PTPN5: variants seen among roughly 807,000 people sequenced by gnomAD.
PTPN5 encodes tyrosine-protein phosphatase non-receptor type 5.
In PTPN5, 29 loss-of-function variants were observed where a neutral mutation model predicts 73.9. The ratio of observed to expected loss-of-function variants is 0.39; its 90% CI spans 0.29 to 0.54. The LOEUF is 0.54. PTPN5 is among the 20% of genes least tolerant of loss of function. PTPN5 has a pLI of 0.65. For missense variants in PTPN5, 652 were observed against 751.4 expected (o/e 0.87, Z 1.55); for synonymous variants, 267 against 304.7 (o/e 0.88, Z 1.29).
At chr11:18,787,216 C>T (rs760330036) in intron 1 of PTPN5, among the ~76,000 whole-genome samples, 37 of 152,138 alleles carry the variant, frequency 2.4e-4, no homozygotes, top group Non-Finnish European at 4.7e-4. Context: ...TTATTTTGAT[C>T]ATAGTACAGA....
At chr11:18,736,345 G>T (rs1267072833) in intron 9 of PTPN5, among the ~76,000 whole-genome samples, 1 of 152,158 alleles carries the variant, frequency 6.6e-6, no homozygotes. Context: ...TTGATGCTTG[G>T]GACACGGCGG....
chr11:18,742,858 T>A lies in PTPN5; in HGVS notation c.483+134A>T. ...GGCTCTTGCCCCAGGCTGGCACACT[T>A]GTGCAAAGAGATAGGTATCCCTCCT... On this transcript the variant is annotated intron_variant, in intron 6 of 14. Transcript: ENST00000358540. This position sits in a 1 kb window ranked among gnomAD's most constrained non-coding sequence, Gnocchi z 4.1. 1.4e-6 allele frequency: 1 copy of A among 706,908 alleles called. No individual in the cohort carries two copies. The highest frequency in any genetic ancestry group is 2.4e-6 in the Non-Finnish European group (1 of 414,014). 43.8% of individuals were successfully genotyped at this position (706,908 alleles called of 1,614,324 possible). A position where few individuals can be genotyped will look rare whatever the true frequency, so the allele number is the denominator to read the frequency against.
In PTPN5 at chr11:18,740,693, G is replaced by T; in HGVS notation, c.825C>A (p.Arg275=). 6.2e-7 allele frequency: 1 copy of T among 1,609,290 alleles called. No homozygotes were observed. Among genetic ancestry groups the T allele is most frequent in the Non-Finnish European group, 8.5e-7 (1 of 1,177,352 alleles). ...YLMSPREESA[R]EYLLSASRVL... ...CACGGGAGGCGCTGAGCAGGTACTC[G>T]CGGGCGGACTCCTCACGTGGGGACA... is the stretch of plus-strand genomic sequence containing the variant. Residue 275 remains arginine, a synonymous_variant, in exon 8 of 15, where the codon CGC becomes CGA. Coordinates refer to ENST00000358540, the MANE Select transcript of PTPN5 (RefSeq NM_006906.2).
chr11:18,758,132 A>T (rs1850234329), intron 3 of PTPN5, among the ~76,000 whole-genome samples: 1 of 152,186 alleles, frequency 6.6e-6, no homozygotes, highest in African/African-American at 2.4e-5. Context: ...GCTTATAAAG[A>T]GGATGTGCTG....
chr11:18,782,973 TG>T (rs1387127950), intron 1 of PTPN5, among the ~76,000 whole-genome samples: 1 of 152,246 alleles, frequency 6.6e-6, no homozygotes, highest in Non-Finnish European at 1.5e-5. Context: ...TGGCCACATC[TG>T]TACTTTGGTA....
At chr11:18,749,316 A>G (rs933949910) in intron 3 of PTPN5, 3 of 503,126 alleles carry the variant, frequency 6.0e-6, no homozygotes, top group African/African-American at 3.9e-5. Flanking sequence ...TTTCCAGGCA[A>G]GAAAAATCAA....
At chr11:18,771,065 G>T (rs182963671) in intron 2 of PTPN5, among the ~76,000 whole-genome samples, 1 of 152,286 alleles carries the variant, frequency 6.6e-6, no homozygotes, top group Admixed American at 6.5e-5. Flanking sequence ...GCCTGAGCCT[G>T]CTTCCAAGGT....
rs112417515 is a variant in PTPN5, at chr11:18,771,923, G to A, written c.20+16C>T. On this transcript the variant is annotated intron_variant, in intron 2 of 14. Coordinates refer to ENST00000358540, the MANE Select transcript of PTPN5 (RefSeq NM_006906.2). ...AGTGGGCGGGTTGCAGGGGGACGGC[G>A]TAAACGCTCACTCACCTGGCTCCCT... The A allele has an allele frequency of 3.3e-5, 52 of 1,596,684 alleles. No individual in the cohort carries two copies. The highest frequency in any genetic ancestry group is 1.4e-4 in the African/African-American group (10 of 73,772).
intron 4 of PTPN5, 73 bp downstream of exon 4, chr11:18,743,933 T>C: frequency 1.3e-6 from 2 of 1,498,510 alleles, no homozygotes; most frequent in South Asian, 2.7e-5. Context: ...GTGGCCATCC[T>C]GGGGAGGAAG....
chr11:18,762,275 C>T (rs1191264763), intron 3 of PTPN5, among the ~76,000 whole-genome samples: 1 of 152,142 alleles, frequency 6.6e-6, no homozygotes, highest in African/African-American at 2.4e-5. Context: ...CCTCACTCTG[C>T]CTCGCCTCTG....
intron 1 of PTPN5, among the ~76,000 whole-genome samples, chr11:18,780,476 C>T (rs541259501): frequency 5.3e-4 from 80 of 152,242 alleles, no homozygotes; most frequent in African/African-American, 1.7e-3. Flanking sequence ...CCCTGCCCCC[C>T]GCCTAATTTA....
intron 3 of PTPN5, among the ~76,000 whole-genome samples, chr11:18,745,494 C>T (rs1849576383): frequency 1.3e-5 from 2 of 152,172 alleles, no homozygotes; most frequent in South Asian, 4.1e-4. Context: ...TATGCTTTGA[C>T]ATGCTGTTCT....
chr11:18,738,972 CAAAAAAAAAAAAA>C (rs375555659), intron 8 of PTPN5, among the ~76,000 whole-genome samples: 5 of 70,080 alleles, frequency 7.1e-5, no homozygotes, highest in African/African-American at 2.6e-4. Context: ...AACCCTGTCT[CAAAAAAAAAAAAA>C]AAAAAAAAGT....
chr11:18,764,754 C>T (rs528580195), intron 3 of PTPN5, among the ~76,000 whole-genome samples: 62 of 152,206 alleles, frequency 4.1e-4, no homozygotes, highest in African/African-American at 1.5e-3. Context: ...ACTCTGTCGC[C>T]CAGGCTGGAG....
intron 3 of PTPN5, among the ~76,000 whole-genome samples, chr11:18,750,186 G>A (rs1009709454): frequency 6.6e-6 from 1 of 152,224 alleles, no homozygotes; most frequent in Non-Finnish European, 1.5e-5. Context: ...GCGGTTCCAA[G>A]TGCTTTACAT....
upstream of PTPN5, chr11:18,792,531 C>G (rs1252235390): frequency 6.6e-6 from 1 of 152,586 alleles, no homozygotes; most frequent in Admixed American, 6.5e-5. Flanking sequence ...GGGGCCCGGA[C>G]GAGCAGGGAG....
chr11:18,736,872 G>A (rs939453048), intron 9 of PTPN5, among the ~76,000 whole-genome samples: 115 of 152,302 alleles, frequency 7.6e-4, no homozygotes, highest in African/African-American at 2.6e-3. Context: ...GGCTGGGATC[G>A]GGGAGGGCAA....
Position 18,740,767 on chromosome 11 carries a change from G to A in PTPN5, c.751C>T (p.Leu251=). ...ERRGSNVSLT[L]DMCTPGCNEE... is the part of the protein sequence containing the mutation. The stretch of plus-strand genomic sequence containing the variant: ...TTGCAGCCCGGAGTGCACATGTCCA[G>A]GGTCAGGGAGACATTGGAACCCCTC... The change falls in exon 8 of 15, where the codon CTG becomes TTG. Residue 251 remains leucine (L), a synonymous_variant. Transcript: ENST00000358540. 6.4e-7 allele frequency: 1 copy of A among 1,572,154 alleles called. No homozygotes were observed. The highest frequency in any genetic ancestry group is 2.3e-5 in the East Asian group (1 of 42,952).
Position 18,752,104 on chromosome 11 carries a change from G to A in PTPN5, c.98-7905C>T, listed in dbSNP as rs539907031. Among the ~76,000 whole-genome samples, 150 of 152,294 alleles carry A rather than the reference G, an allele frequency of 9.8e-4. 1 individual carries two copies. Among genetic ancestry groups the A allele is most frequent in the African/African-American group, 3.2e-3 (135 of 41,562 alleles). The stretch of plus-strand genomic sequence containing the variant: ...AAATTAGTCAGGTGTGGTGGTGTGC[G>A]TCTGTAGTCCCAGCTACTCAGGAGG... On this transcript the variant is annotated intron_variant, in intron 3 of 14. Transcript: ENST00000358540.
Sources: allele counts gnomAD v4.1 joint callset (sites outside exome capture counted in the v4.1 genomes callset), GRCh38; gene constraint gnomAD v4.1.1; non-coding constraint Gnocchi (gnomAD v3.1); transcripts MANE v1.5; gene names NCBI Gene and HGNC (gene_info 2026-07-23, HGNC 2026-07-21).